PKHD1: variants seen among roughly 807,000 people sequenced by gnomAD.
PKHD1 encodes PKHD1 ciliary IPT domain containing fibrocystin/polyductin.
Under a neutral mutation model 412.0 loss-of-function variants are expected in PKHD1, and 291 were observed. The ratio of observed to expected loss-of-function variants is 0.71; its 90% CI spans 0.64 to 0.78. The LOEUF is 0.78. Among genes scored for constraint, PKHD1 ranks in the 30% least tolerant of loss-of-function variants. The pLI is 0.00. For synonymous variants in PKHD1, 1,777 were observed against 1,821.5 expected (o/e 0.98, Z 0.62); for missense variants, 4,825 against 4,950.7 (o/e 0.97, Z 0.76).
At chr6:51,635,382 T>G (rs1240891371) in intron 64 of PKHD1, among the ~76,000 whole-genome samples, 2 of 152,162 alleles carry the variant, frequency 1.3e-5, no homozygotes, top group Non-Finnish European at 2.9e-5. Flanking sequence ...GGCTCTCAAT[T>G]ATCTTAGCAT....
intron 60 of PKHD1, among the ~76,000 whole-genome samples, chr6:51,697,602 G>T (rs936296314): frequency 3.2e-4 from 49 of 152,224 alleles, no homozygotes; most frequent in African/African-American, 1.2e-3. Flanking sequence ...CGTGTCCCCA[G>T]TTGTGGCAAC....
chr6:51,830,359 A>C (rs755224939), intron 52 of PKHD1, among the ~76,000 whole-genome samples: 5 of 152,320 alleles, frequency 3.3e-5, no homozygotes, highest in South Asian at 2.1e-4. Context: ...CAAACAGATG[A>C]ATAGATACAT....
In PKHD1 at chr6:51,618,727, G is replaced by C; in HGVS notation, c.*354C>G. 2.8e-6 allele frequency: 1 copy of C among 353,840 alleles called. No individual in the cohort carries two copies. Among genetic ancestry groups the C allele is most frequent in the South Asian group, 2.3e-5 (1 of 43,464 alleles). 21.9% of individuals were successfully genotyped at this position (353,840 alleles called of 1,614,324 possible). On this transcript the variant is annotated 3_prime_UTR_variant, in exon 67 of 67. Coordinates refer to ENST00000371117, the MANE Select transcript of PKHD1 (RefSeq NM_138694.4). The stretch of plus-strand genomic sequence containing the variant: ...TATAAAAGAAGCTCAAAGCATTGTG[G>C]GTGGTCAATCCAGAGAATGCTTAAT...
intron 36 of PKHD1, among the ~76,000 whole-genome samples, chr6:51,953,608 C>T (rs977262093): frequency 1.3e-5 from 2 of 151,114 alleles, no homozygotes; most frequent in African/African-American, 2.4e-5. Flanking sequence ...AAAAAAAAGG[C>T]TGTGATAGGT....
At chr6:51,824,572 C>T (rs1767005624) in intron 52 of PKHD1, among the ~76,000 whole-genome samples, 1 of 152,176 alleles carries the variant, frequency 6.6e-6, no homozygotes, top group East Asian at 1.9e-4. Context: ...TCTTTGACTT[C>T]AGGTTTTCTT....
chr6:51,776,166 T>C (rs1764426930), intron 53 of PKHD1, among the ~76,000 whole-genome samples: 1 of 152,040 alleles, frequency 6.6e-6, no homozygotes, highest in South Asian at 2.1e-4. Context: ...GTGTAAACTT[T>C]CCTGACCTAC....
rs1766123198 is a variant in PKHD1, at chr6:51,616,982, G to T, written c.*2099C>A. 1 of 309,326 alleles carries T rather than the reference G, an allele frequency of 3.2e-6. No individual in the cohort carries two copies. The highest frequency in any genetic ancestry group is 5.9e-6 in the Non-Finnish European group (1 of 170,092). 19.2% of individuals were successfully genotyped at this position (309,326 alleles called of 1,614,324 possible). ...AAAACACAAGGAGAAGTAGGTTTTT[G>T]GGCTGTGTTAACTTCATAGTAACTA... On this transcript the variant is annotated 3_prime_UTR_variant, in exon 67 of 67. Transcript: ENST00000371117.
intron 43 of PKHD1, among the ~76,000 whole-genome samples, chr6:51,899,874 C>T (rs1780929571): frequency 6.6e-6 from 1 of 152,086 alleles, no homozygotes; most frequent in South Asian, 2.1e-4. Context: ...ACACCAACAA[C>T]AGACAAACAG....
At chr6:51,691,032 C>T (rs1403394641) in intron 60 of PKHD1, among the ~76,000 whole-genome samples, 1 of 152,098 alleles carries the variant, frequency 6.6e-6, no homozygotes, top group African/African-American at 2.4e-5. Flanking sequence ...GACATACATG[C>T]AGCCAACAAC....
intron 60 of PKHD1, 23 bp downstream of exon 60, chr6:51,744,362 C>T: frequency 1.2e-6 from 2 of 1,607,438 alleles, no homozygotes; most frequent in African/African-American, 1.3e-5. Flanking sequence ...CTACCACAGG[C>T]ATTGCATTCA....
intron 60 of PKHD1, among the ~76,000 whole-genome samples, chr6:51,707,523 A>G (rs751533305): frequency 6.6e-6 from 1 of 152,130 alleles, no homozygotes. Flanking sequence ...ATATTAAAAC[A>G]TGTCTAAGAC....
intron 60 of PKHD1, among the ~76,000 whole-genome samples, chr6:51,671,034 T>G (rs374250941): frequency 0.01 from 1,584 of 151,604 alleles, 16 homozygotes; most frequent in African/African-American, 0.021. Context: ...TCTTGGAGTT[T>G]CTCTTCTCGA....
intron 35 of PKHD1, among the ~76,000 whole-genome samples, chr6:51,979,459 A>T (rs1389315612): frequency 6.6e-6 from 1 of 151,550 alleles, no homozygotes; most frequent in Non-Finnish European, 1.5e-5. Context: ...ATCCCCCCAC[A>T]TCCTTTCATT....
intron 52 of PKHD1, 146 bp downstream of exon 52, chr6:51,830,714 AC>A (rs886851016): frequency 1.5e-5 from 11 of 731,550 alleles, no homozygotes; most frequent in Admixed American, 4.6e-5. Flanking sequence ...TCCTACATTA[AC>A]CCCCCCAAAA....
rs1770844339 is a variant in PKHD1, at chr6:51,844,664, A to G, written c.8107+3111T>C. Among the ~76,000 whole-genome samples, 4 of 152,184 alleles carry G rather than the reference A, an allele frequency of 2.6e-5. No homozygotes were observed. In the South Asian group the frequency reaches 6.2e-4, roughly 24 times the overall value. Reference sequence around the variant, plus strand: ...CAGCAGCCAAACAGAGGAAATGAAGATAATTGTGATTTTTCTAAAACTTCC... The same window carrying G: ...CAGCAGCCAAACAGAGGAAATGAAGGTAATTGTGATTTTTCTAAAACTTCC... On this transcript the variant is annotated intron_variant, in intron 50 of 66. Coordinates refer to ENST00000371117, the MANE Select transcript of PKHD1 (RefSeq NM_138694.4).
At chr6:51,713,950 A>G (rs1780942625) in intron 60 of PKHD1, among the ~76,000 whole-genome samples, 1 of 152,214 alleles carries the variant, frequency 6.6e-6, no homozygotes, top group East Asian at 1.9e-4. Flanking sequence ...GAATTGCATC[A>G]GACAATTCCT....
chr6:51,821,713 T>A (rs1223708960), intron 52 of PKHD1, among the ~76,000 whole-genome samples: 1 of 151,848 alleles, frequency 6.6e-6, no homozygotes, highest in Non-Finnish European at 1.5e-5. Flanking sequence ...ATTTTTTGTT[T>A]GTTTGTTTGT....
intron 36 of PKHD1, among the ~76,000 whole-genome samples, chr6:51,935,057 C>T (rs1037389544): frequency 6.6e-6 from 1 of 152,180 alleles, no homozygotes; most frequent in Non-Finnish European, 1.5e-5. Context: ...CCCCACCACC[C>T]GCCACTTGCA....
chr6:51,721,841 C>T, intron 60 of PKHD1: 1 of 1,524,348 alleles, frequency 6.6e-7, no homozygotes, highest in South Asian at 1.2e-5. Context: ...TCCTCCCAGT[C>T]CTCAATCAAT....
Sources: gnomAD v4.1 joint callset for allele counts (sites outside exome capture counted in the v4.1 genomes callset) on GRCh38, gnomAD v4.1.1 for gene constraint, MANE v1.5 for transcripts, NCBI Gene and HGNC (gene_info 2026-07-23, HGNC 2026-07-21) for gene names.